The following CFAP20 variants were observed in gnomAD, a reference collection of about 807,000 sequenced individuals.
CFAP20 encodes the protein cilia and flagella associated protein 20, also known as cilia- and flagella-associated protein 20.
A neutral mutation model predicts 25.5 loss-of-function variants in CFAP20; 14 were observed. That is an observed-to-expected ratio of 0.55 (90% CI 0.36 to 0.86). The LOEUF (loss-of-function observed/expected upper bound fraction) is 0.86. Ranked by LOEUF, CFAP20 falls within the 40% of genes least tolerant of loss-of-function variation. The pLI is 0.01. For synonymous variants in CFAP20, 75 were observed against 91.1 expected, an observed-to-expected ratio of 0.82 and a Z score of 1.01; for missense variants, 181 against 248.0, an observed-to-expected ratio of 0.73 and a Z score of 1.81.
chr16:58,129,204 AG>A lies in CFAP20; in HGVS notation c.-90del. On this transcript the variant is annotated 5_prime_UTR_variant, in exon 1 of 6. Transcript: ENST00000262498. Reference sequence around the variant, plus strand: ...CACCGAGCGTCGAGGGCACAGCAGCAGGCCGGCCCTGTTCCGAAGAAGGGTG... The same window carrying A: ...CACCGAGCGTCGAGGGCACAGCAGCAGCCGGCCCTGTTCCGAAGAAGGGTG... 7.1e-7 allele frequency: 1 copy of A among 1,410,550 alleles called. No individual in the cohort carries two copies. Among genetic ancestry groups the A allele is most frequent in the Non-Finnish European group, 9.8e-7 (1 of 1,020,870 alleles). The allele number at this position is 1,410,550 out of a possible 1,614,324, so 87.4% of individuals were successfully genotyped here.
chr16:58,128,781 C>T (rs1220784420), intron 1 of CFAP20, among the ~76,000 whole-genome samples: 1 of 151,972 alleles, frequency 6.6e-6, no homozygotes, highest in Non-Finnish European at 1.5e-5. Flanking sequence ...GTCCTAACCA[C>T]ACCACAGCTG....
intron 2 of CFAP20, 24 bp from the exon 3 acceptor site, chr16:58,116,176 A>G: frequency 4.0e-6 from 6 of 1,509,210 alleles, no homozygotes; most frequent in Non-Finnish European, 5.5e-6. Context: ...AAATACTAAT[A>G]AACACACTCC....
intron 5 of CFAP20, 69 bp from the exon 6 acceptor site, chr16:58,114,099 C>A (rs976080523): frequency 9.3e-6 from 14 of 1,507,920 alleles, no homozygotes; most frequent in Admixed American, 1.7e-5. Context: ...GTGTCACAGG[C>A]CCCCTGCCTC....
Position 58,113,915 on chromosome 16 carries a change from C to T in CFAP20, c.*110G>A. The T allele has an allele frequency of 1.5e-6, 2 of 1,293,644 alleles. No homozygotes were observed. Among genetic ancestry groups the T allele is most frequent in the Non-Finnish European group, 2.2e-6 (2 of 891,836 alleles). 80.1% of individuals were successfully genotyped at this position (1,293,644 alleles called of 1,614,324 possible). A position where few individuals can be genotyped will look rare whatever the true frequency, so the allele number is the denominator to read the frequency against. ...GCAACACCAAGTATAAATAACAGAA[C>T]TACAGCAGAGCAAACTAAGATAAAT... On this transcript the variant is annotated 3_prime_UTR_variant, in exon 6 of 6. Transcript: ENST00000262498.
At chr16:58,123,072 G>A (rs187659659) in intron 1 of CFAP20, among the ~76,000 whole-genome samples, 213 of 151,924 alleles carry the variant, frequency 1.4e-3, no homozygotes, top group Non-Finnish European at 2.6e-3. Flanking sequence ...TCGGCTCACC[G>A]CAACCTCCAC....
At chr16:58,116,216 C>T (rs916090791) in intron 2 of CFAP20, 64 bp from the exon 3 acceptor site, 2 of 1,174,976 alleles carry the variant, frequency 1.7e-6, no homozygotes, top group Non-Finnish European at 2.5e-6. Flanking sequence ...GTATGCACAA[C>T]AATAACACAC....
intron 1 of CFAP20, among the ~76,000 whole-genome samples, chr16:58,122,303 G>A (rs991230797): frequency 1.3e-5 from 2 of 152,186 alleles, no homozygotes; most frequent in African/African-American, 2.4e-5. Context: ...GTCTTCGGAC[G>A]GGCGCGGTGG....
intron 1 of CFAP20, among the ~76,000 whole-genome samples, chr16:58,125,119 CTTTT>C (rs1032919107): frequency 6.6e-6 from 1 of 152,090 alleles, no homozygotes; most frequent in Non-Finnish European, 1.5e-5. Flanking sequence ...TTTCCTATTT[CTTTT>C]TTTAACTTTT....
intron 5 of CFAP20, among the ~76,000 whole-genome samples, chr16:58,114,362 T>C (rs1960426951): frequency 6.6e-6 from 1 of 152,044 alleles, no homozygotes; most frequent in Non-Finnish European, 1.5e-5. Flanking sequence ...ACCCCGTCTC[T>C]ATAAAAATTA....
chr16:58,114,594 T>G (rs1960431467), intron 5 of CFAP20, among the ~76,000 whole-genome samples: 1 of 151,698 alleles, frequency 6.6e-6, no homozygotes, highest in Non-Finnish European at 1.5e-5. Flanking sequence ...CCTCATCCCC[T>G]CTCACCGTGG....
At position 58,116,668 on chromosome 16, in the gene CFAP20, A is replaced by G. The variant is rs1597086527; in HGVS notation, c.164+204T>C. 2.9e-5 allele frequency: 16 copies of G among 544,698 alleles called. No homozygotes were observed. The East Asian group carries it at 4.6e-4, about 16-fold the overall frequency. 33.7% of individuals were successfully genotyped at this position (544,698 alleles called of 1,614,324 possible). A position where few individuals can be genotyped will look rare whatever the true frequency, so the allele number is the denominator to read the frequency against. ...ATTTACTCCTCGCAATAACCCTATA[A>G]GGAAAATGTACTATTATTCTGCCCA... On this transcript the variant is annotated intron_variant, in intron 2 of 5. Coordinates refer to ENST00000262498, the MANE Select transcript of CFAP20 (RefSeq NM_013242.3).
At chr16:58,117,963 A>G (rs1960481417) in intron 1 of CFAP20, among the ~76,000 whole-genome samples, 1 of 152,026 alleles carries the variant, frequency 6.6e-6, no homozygotes, top group South Asian at 2.1e-4. Context: ...CTTTTCTCTG[A>G]TTTGTTTTTC....
Position 58,116,026 on chromosome 16 carries a change from T to C in CFAP20, c.276+15A>G. The C allele has an allele frequency of 1.3e-6, 2 of 1,561,146 alleles. No individual in the cohort carries two copies. Among genetic ancestry groups the C allele is most frequent in the African/African-American group, 1.4e-5 (1 of 73,842 alleles). Reference sequence around the variant, plus strand: ...GTATAGCCAAGAGTGGACACATTCATGTACACATACTTACCTGCACTTCGA... The same window carrying C: ...GTATAGCCAAGAGTGGACACATTCACGTACACATACTTACCTGCACTTCGA... On this transcript the variant is annotated intron_variant, in intron 3 of 5. Coordinates refer to ENST00000262498, the MANE Select transcript of CFAP20 (RefSeq NM_013242.3).
chr16:58,114,481 G>A (rs1247526820), intron 5 of CFAP20, among the ~76,000 whole-genome samples: 1 of 150,640 alleles, frequency 6.6e-6, no homozygotes, highest in Admixed American at 6.6e-5. Flanking sequence ...AGCTGAGATC[G>A]TGCCACTGCA....
chr16:58,117,724 C>T (rs534617332), intron 1 of CFAP20, among the ~76,000 whole-genome samples: 1 of 152,310 alleles, frequency 6.6e-6, no homozygotes, highest in Admixed American at 6.5e-5. Context: ...TGGGCCACTG[C>T]GCCCGTCCTG....
rs1960671229 is a variant in CFAP20, at chr16:58,129,130, TCTC to T, written c.-18_-16del. 3 of 1,612,882 alleles carry T rather than the reference TCTC, an allele frequency of 1.9e-6. No homozygotes were observed. Among genetic ancestry groups the T allele is most frequent in the East Asian group, 4.5e-5 (2 of 44,862 alleles). ...TTTTTGAACATCTCGCCGGCGGCCT[TCTC>T]CTAAGCCGCCCCCGGAGCCGACCTA... On this transcript the variant is annotated 5_prime_UTR_variant, in exon 1 of 6. Transcript: ENST00000262498.
intron 1 of CFAP20, among the ~76,000 whole-genome samples, chr16:58,126,058 G>A (rs1415636007): frequency 2.0e-5 from 3 of 152,160 alleles, no homozygotes; most frequent in East Asian, 1.9e-4. Flanking sequence ...AGAAATAGAC[G>A]AGAAAACTGA....
chr16:58,115,497 T>G (rs1312650602), intron 3 of CFAP20, 40 bp from the exon 4 acceptor site: 1 of 1,601,640 alleles, frequency 6.2e-7, no homozygotes, highest in South Asian at 1.1e-5. Flanking sequence ...TAGCTCTGTC[T>G]TGGAAGAAGC....
At chr16:58,122,698 T>TGAGTTTA (rs1960550478) in intron 1 of CFAP20, among the ~76,000 whole-genome samples, 1 of 152,230 alleles carries the variant, frequency 6.6e-6, no homozygotes, top group African/African-American at 2.4e-5. Context: ...CACCTTTATG[T>TGAGTTTA]CCAAATACAC....
Sources: allele counts gnomAD v4.1 joint callset (sites outside exome capture counted in the v4.1 genomes callset), GRCh38; gene constraint gnomAD v4.1.1; transcripts MANE v1.5; gene names NCBI Gene and HGNC (gene_info 2026-07-23, HGNC 2026-07-21).